LRMDA: variants seen among roughly 807,000 people sequenced by gnomAD.
The protein encoded by LRMDA is leucine-rich melanocyte differentiation-associated protein.
Under a neutral mutation model 29.8 loss-of-function variants are expected in LRMDA, and 18 were observed. The observed-to-expected ratio is 0.60, with a 90% confidence interval of 0.42 to 0.90. The LOEUF (loss-of-function observed/expected upper bound fraction) is 0.90. Ranked by LOEUF, LRMDA falls within the 40% of genes least tolerant of loss-of-function variation. The pLI is 0.00. For synonymous variants in LRMDA, 125 were observed against 109.4 expected, an observed-to-expected ratio of 1.14 and a Z score of -0.89; for missense variants, 273 against 273.9, an observed-to-expected ratio of 1.00 and a Z score of 0.02.
intron 6 of LRMDA, among the ~76,000 whole-genome samples, chr10:76,452,606 C>T (rs1019021911): frequency 6.6e-6 from 1 of 151,914 alleles, no homozygotes; most frequent in African/African-American, 2.4e-5. Flanking sequence ...GAATAGTTGA[C>T]GTATAGTGGG....
chr10:76,557,146 A>T, intron 6 of LRMDA, 63 bp from the exon 7 acceptor site: 1 of 1,314,206 alleles, frequency 7.6e-7, no homozygotes. Context: ...GCTTTTCAGC[A>T]CCTGTGTTTC....
At chr10:75,729,186 C>T (rs1010048205) in intron 2 of LRMDA, among the ~76,000 whole-genome samples, 3 of 152,172 alleles carry the variant, frequency 2.0e-5, no homozygotes, top group Non-Finnish European at 2.9e-5. Context: ...AGCAGGTACT[C>T]GGGCATATAA....
chr10:75,711,588 TA>T (rs775923209), intron 2 of LRMDA, among the ~76,000 whole-genome samples: 1 of 152,160 alleles, frequency 6.6e-6, no homozygotes, highest in South Asian at 2.1e-4. Flanking sequence ...ACTCCAAGAG[TA>T]AAATTTAAAG....
Position 76,399,645 on chromosome 10 carries a change from T to C in LRMDA, c.601+75160T>C, listed in dbSNP as rs555263948. 2.3e-3 allele frequency among the ~76,000 whole-genome samples: 356 copies of C among 152,374 alleles called. 2 individuals are homozygous for C. The highest frequency in any genetic ancestry group is 8.4e-3 in the African/African-American group (348 of 41,588). On this transcript the variant is annotated intron_variant, in intron 6 of 6. Coordinates refer to ENST00000611255, the MANE Select transcript of LRMDA (RefSeq NM_001305581.2). ...TCTCGAATTCAGTACGTTCTCTTTT[T>C]CCCCCCAAAACAATGGCAACCAGCC...
intron 2 of LRMDA, among the ~76,000 whole-genome samples, chr10:75,825,495 A>AT (rs1237511378): frequency 3.3e-5 from 5 of 152,180 alleles, no homozygotes; most frequent in East Asian, 1.9e-4. Context: ...AGACGTGCTC[A>AT]TTTTTTATGA....
intron 5 of LRMDA, among the ~76,000 whole-genome samples, chr10:76,160,697 C>T (rs528497523): frequency 6.6e-6 from 1 of 152,220 alleles, no homozygotes; most frequent in Non-Finnish European, 1.5e-5. Flanking sequence ...ACCAATGCTC[C>T]TTATCCAGTG....
intron 2 of LRMDA, among the ~76,000 whole-genome samples, chr10:76,032,410 A>G (rs965382493): frequency 6.6e-6 from 1 of 152,356 alleles, no homozygotes; most frequent in East Asian, 1.9e-4. Flanking sequence ...TTGGGATATT[A>G]ACTCTGACAG....
intron 2 of LRMDA, among the ~76,000 whole-genome samples, chr10:75,826,160 TG>T (rs1564578782): frequency 6.6e-6 from 1 of 152,170 alleles, no homozygotes; most frequent in African/African-American, 2.4e-5. Context: ...TGTGATTTAT[TG>T]GCTACATACT....
intron 2 of LRMDA, among the ~76,000 whole-genome samples, chr10:75,698,357 C>T (rs1842264834): frequency 6.6e-6 from 1 of 152,226 alleles, no homozygotes. Context: ...GCCCTTACCT[C>T]AGAGGCCATA....
At chr10:76,506,896 A>C (rs1429233442) in intron 6 of LRMDA, among the ~76,000 whole-genome samples, 1 of 152,068 alleles carries the variant, frequency 6.6e-6, no homozygotes, top group Non-Finnish European at 1.5e-5. Flanking sequence ...TATCTTGGCT[A>C]TGGTGAATAG....
At chr10:75,694,153 G>A (rs569085074) in intron 2 of LRMDA, among the ~76,000 whole-genome samples, 1 of 152,336 alleles carries the variant, frequency 6.6e-6, no homozygotes, top group African/African-American at 2.4e-5. Context: ...GCTTGGCTCA[G>A]TGTGCATGTT....
intron 2 of LRMDA, among the ~76,000 whole-genome samples, chr10:75,876,450 G>A (rs1845199855): frequency 6.6e-6 from 1 of 152,106 alleles, no homozygotes; most frequent in Non-Finnish European, 1.5e-5. Context: ...CCTCGCGGGA[G>A]CTATCTTAAG....
At chr10:75,440,430 C>A (rs916966883) in intron 2 of LRMDA, among the ~76,000 whole-genome samples, 10 of 151,542 alleles carry the variant, frequency 6.6e-5, no homozygotes, top group Admixed American at 2.6e-4. Flanking sequence ...TGAGTTTGGG[C>A]AGGGATGAGG....
intron 6 of LRMDA, among the ~76,000 whole-genome samples, chr10:76,387,614 A>AC (rs1488061063): frequency 6.6e-6 from 1 of 152,160 alleles, no homozygotes; most frequent in East Asian, 1.9e-4. Context: ...AAAAAAAAAA[A>AC]AGTGGTATAT....
intron 5 of LRMDA, among the ~76,000 whole-genome samples, chr10:76,316,800 C>A (rs1200723747): frequency 6.6e-6 from 1 of 152,166 alleles, no homozygotes; most frequent in East Asian, 1.9e-4. Flanking sequence ...TAATTAGCAG[C>A]AAACTATTAA....
chr10:75,673,214 G>A (rs1205251433), intron 2 of LRMDA, among the ~76,000 whole-genome samples: 1 of 152,076 alleles, frequency 6.6e-6, no homozygotes, highest in Non-Finnish European at 1.5e-5. Flanking sequence ...GGGCTGTGGG[G>A]TTGAAGGTAA....
At chr10:76,487,194 G>A (rs77999240) in intron 6 of LRMDA, among the ~76,000 whole-genome samples, 3,179 of 151,972 alleles carry the variant, frequency 0.021, 112 homozygotes, top group African/African-American at 0.071. Flanking sequence ...CTTGAATCTT[G>A]ATTCCTAGAT....
intron 2 of LRMDA, among the ~76,000 whole-genome samples, chr10:75,914,256 C>T (rs902382224): frequency 6.6e-6 from 1 of 152,160 alleles, no homozygotes; most frequent in Non-Finnish European, 1.5e-5. Flanking sequence ...TATTTGGTTG[C>T]TCCTTAGCTT....
At chr10:75,444,349 A>G (rs1467954361) in intron 2 of LRMDA, among the ~76,000 whole-genome samples, 1 of 152,184 alleles carries the variant, frequency 6.6e-6, no homozygotes, top group Admixed American at 6.5e-5. Context: ...TCACGTTAGA[A>G]ATTGGAAATG....
Sources: allele counts gnomAD v4.1 joint callset (sites outside exome capture counted in the v4.1 genomes callset), GRCh38; gene constraint gnomAD v4.1.1; transcripts MANE v1.5; gene names NCBI Gene and HGNC (gene_info 2026-07-23, HGNC 2026-07-21).